The following URB1 variants were observed in gnomAD, a reference collection of about 807,000 sequenced individuals.
URB1 encodes the protein URB1 ribosome biogenesis factor.
In URB1, 197 loss-of-function variants were observed where a neutral mutation model predicts 242.3. The ratio of observed to expected loss-of-function variants is 0.81; its 90% CI spans 0.72 to 0.91. The LOEUF (loss-of-function observed/expected upper bound fraction) is 0.91. Ranked by LOEUF, URB1 falls within the 40% of genes least tolerant of loss-of-function variation. The pLI, the probability that URB1 is intolerant of heterozygous loss-of-function variation, is 0.00. For synonymous variants in URB1, 1,153 were observed against 1,201.8 expected (o/e 0.96, Z 0.84); for missense variants, 2,721 against 2,860.5 (o/e 0.95, Z 1.11).
chr21:32,320,409 A>C (rs2032750292), intron 35 of URB1, 122 bp downstream of exon 35: 5 of 752,996 alleles, frequency 6.6e-6, no homozygotes, highest in South Asian at 1.8e-5. Flanking sequence ...AGGACACTGC[A>C]TTTCAGAGAG....
At chr21:32,344,834 A>G (rs1423710329) in intron 23 of URB1, 78 bp from the exon 24 acceptor site, 21 of 1,447,708 alleles carry the variant, frequency 1.5e-5, no homozygotes, top group Non-Finnish European at 1.9e-5. Flanking sequence ...AGCATCACAA[A>G]GAGCCATATG....
rs778489447 is a variant in URB1 at position 32,321,788 on chromosome 21, G to A, written c.5484+13C>T. On this transcript the variant is annotated intron_variant, in intron 34 of 38. Coordinates refer to ENST00000382751, the MANE Select transcript of URB1 (RefSeq NM_014825.3). ...ACCTCTCGCTCTCAAATAAGCTTGC[G>A]GAACCCATGTACCTGTGCTGCCTCG... The A allele has an allele frequency of 3.2e-5, 50 of 1,551,186 alleles. No homozygotes were observed. The highest frequency in any genetic ancestry group is 9.8e-5 in the East Asian group (4 of 40,918).
At chr21:32,369,519 G>A (rs375367603) in intron 8 of URB1, among the ~76,000 whole-genome samples, 9 of 152,034 alleles carry the variant, frequency 5.9e-5, no homozygotes, top group African/African-American at 2.2e-4. Flanking sequence ...GAATGCAGTG[G>A]CGTGACCATA....
In URB1 at chr21:32,392,981, G is replaced by C. The variant is rs1482418334; in HGVS notation, c.-71C>G. 6.3e-5 allele frequency: 89 copies of C among 1,415,788 alleles called. No homozygotes were observed. The Admixed American group carries it at 2.3e-3, about 36-fold the overall frequency. 87.7% of individuals were successfully genotyped at this position (1,415,788 alleles called of 1,614,324 possible). A position where few individuals can be genotyped will look rare whatever the true frequency, so the allele number is the denominator to read the frequency against. ...CCCGGCAGGAGCACTGGCACAGACA[G>C]CAGACACGCGCTTCAGGCCCACATG... On this transcript the variant is annotated 5_prime_UTR_variant, in exon 1 of 39. Transcript: ENST00000382751.
rs35566785 is a variant in URB1 at position 32,317,196 on chromosome 21, C to T, written c.6035-131G>A. 5.1e-3 allele frequency: 6,522 copies of T among 1,275,262 alleles called. 278 individuals carry two copies. In the African/African-American group the frequency reaches 0.088, roughly 17 times the overall value. The allele number at this position is 1,275,262 out of a possible 1,614,324, so 79.0% of individuals were successfully genotyped here. Reference sequence around the variant, plus strand: ...TCCTGAGCACCCGGCCCTGCTCCCACGTCAGGAGCCTGGTGAGTGCTCGAT... The same window carrying T: ...TCCTGAGCACCCGGCCCTGCTCCCATGTCAGGAGCCTGGTGAGTGCTCGAT... On this transcript the variant is annotated intron_variant, in intron 37 of 38. Transcript: ENST00000382751.
At chr21:32,326,362 A>G (rs762712788) in intron 30 of URB1, among the ~76,000 whole-genome samples, 1 of 152,276 alleles carries the variant, frequency 6.6e-6, no homozygotes, top group African/African-American at 2.4e-5. Context: ...TATAACATCA[A>G]TAAGAGATAG....
At chr21:32,348,064 T>C (rs1056414080) in intron 21 of URB1, among the ~76,000 whole-genome samples, 2 of 152,194 alleles carry the variant, frequency 1.3e-5, no homozygotes, top group South Asian at 4.1e-4. Flanking sequence ...CCGGAAGGAC[T>C]GGACTGTGAC....
chr21:32,369,998 TAAG>T lies in URB1; in HGVS notation c.1002-1403_1002-1401del, dbSNP rs1456843202. On this transcript the variant is annotated intron_variant, in intron 8 of 38. Coordinates refer to ENST00000382751, the MANE Select transcript of URB1 (RefSeq NM_014825.3). ...CTCAAAAAAAAAAAAAAAAAAAAAGTAAGAAGCAGGAAAGTCTGCAGAGACTAA... is the reference window on the plus strand; with the variant it reads ...CTCAAAAAAAAAAAAAAAAAAAAAGTAAGCAGGAAAGTCTGCAGAGACTAA... Among the ~76,000 whole-genome samples, 13 of 122,332 alleles carry T rather than the reference TAAG, an allele frequency of 1.1e-4. No homozygotes were observed. In the East Asian group the frequency reaches 3.1e-3, roughly 29 times the overall value. The allele number at this position is 122,332 out of a possible 152,430, so 80.3% of individuals were successfully genotyped here.
At chr21:32,368,174 T>A (rs2033366768) in intron 9 of URB1, among the ~76,000 whole-genome samples, 1 of 151,996 alleles carries the variant, frequency 6.6e-6, no homozygotes, top group Non-Finnish European at 1.5e-5. Flanking sequence ...TTCAAGTAAT[T>A]CTCCTGTCTC....
At chr21:32,348,101 G>A (rs997584344) in intron 21 of URB1, among the ~76,000 whole-genome samples, 1 of 152,180 alleles carries the variant, frequency 6.6e-6, no homozygotes. Flanking sequence ...CCACATTTGC[G>A]AGCACGTGTC....
intron 12 of URB1, among the ~76,000 whole-genome samples, chr21:32,361,538 TC>T (rs2033288350): frequency 6.9e-6 from 1 of 145,784 alleles, no homozygotes; most frequent in African/African-American, 2.4e-5. Flanking sequence ...GACACAAACC[TC>T]AATGCCTGAC....
At chr21:32,332,339 C>T (rs990660935) in intron 30 of URB1, among the ~76,000 whole-genome samples, 1 of 151,612 alleles carries the variant, frequency 6.6e-6, no homozygotes, top group African/African-American at 2.4e-5. Context: ...AAAGCTTTTG[C>T]TCTGTGAAAG....
intron 8 of URB1, among the ~76,000 whole-genome samples, chr21:32,370,499 T>C (rs552830880): frequency 6.6e-6 from 1 of 152,266 alleles, no homozygotes; most frequent in Non-Finnish European, 1.5e-5. Context: ...ATGGAGAGCA[T>C]TAATATTTAT....
intron 26 of URB1, among the ~76,000 whole-genome samples, chr21:32,337,728 G>A (rs1050632271): frequency 4.0e-5 from 6 of 148,830 alleles, no homozygotes; most frequent in African/African-American, 7.5e-5. Flanking sequence ...AGATGAGGTC[G>A]TGCTATGTTG....
chr21:32,320,822 G>C (rs2032756264), intron 34 of URB1, among the ~76,000 whole-genome samples, 182 bp from the exon 35 acceptor site: 1 of 152,228 alleles, frequency 6.6e-6, no homozygotes, highest in South Asian at 2.1e-4. Flanking sequence ...ACAAGAGACA[G>C]CCAGAGGACA....
At chr21:32,320,983 G>A (rs1255159744) in intron 34 of URB1, among the ~76,000 whole-genome samples, 2 of 152,244 alleles carry the variant, frequency 1.3e-5, no homozygotes, top group Non-Finnish European at 2.9e-5. Context: ...CCCGCCTCCA[G>A]GCCAGCTGCT....
chr21:32,359,110 T>C (rs1253867831), intron 14 of URB1, among the ~76,000 whole-genome samples: 1 of 152,164 alleles, frequency 6.6e-6, no homozygotes, highest in Non-Finnish European at 1.5e-5. Flanking sequence ...AATGCCAACA[T>C]ACATTTCCAT....
intron 10 of URB1, 113 bp from the exon 11 acceptor site, chr21:32,363,442 T>G (rs1033115410): frequency 7.7e-6 from 10 of 1,293,658 alleles, no homozygotes; most frequent in Non-Finnish European, 1.1e-5. Context: ...GAAAGCTGCA[T>G]GAAACTGCTG....
intron 1 of URB1, among the ~76,000 whole-genome samples, chr21:32,386,339 G>A (rs985807281): frequency 6.6e-5 from 10 of 152,180 alleles, no homozygotes; most frequent in African/African-American, 2.4e-4. Context: ...ATAGAGGAAA[G>A]GCCATGTGAG....
Sources: allele counts gnomAD v4.1 joint callset (sites outside exome capture counted in the v4.1 genomes callset), GRCh38; gene constraint gnomAD v4.1.1; transcripts MANE v1.5; gene names NCBI Gene and HGNC (gene_info 2026-07-23, HGNC 2026-07-21).